PRKAG2: variants seen among roughly 807,000 people sequenced by gnomAD.
PRKAG2 encodes the protein protein kinase AMP-activated non-catalytic subunit gamma 2, also known as 5'-AMP-activated protein kinase subunit gamma-2.
In PRKAG2, 26 loss-of-function variants were observed where a neutral mutation model predicts 69.6. That is an observed-to-expected ratio of 0.37 (90% CI 0.27 to 0.52). The LOEUF (loss-of-function observed/expected upper bound fraction) is 0.52, where lower values mean the gene tolerates loss of function less well. Among genes scored for constraint, PRKAG2 ranks in the 20% least tolerant of loss-of-function variants. The pLI is 0.90. For missense variants in PRKAG2, 557 were observed against 740.0 expected, an observed-to-expected ratio of 0.75 and a Z score of 2.87; for synonymous variants, 293 against 285.0, an observed-to-expected ratio of 1.03 and a Z score of -0.28.
intron 3 of PRKAG2, among the ~76,000 whole-genome samples, chr7:151,774,805 C>CA: frequency 6.6e-6 from 1 of 151,400 alleles, no homozygotes; most frequent in Non-Finnish European, 1.5e-5. Context: ...GACTCCATTT[C>CA]AAAAAAACAA....
At chr7:151,842,122 T>G (rs1586704664) in intron 1 of PRKAG2, among the ~76,000 whole-genome samples, 1 of 137,150 alleles carries the variant, frequency 7.3e-6, no homozygotes, top group Non-Finnish European at 1.6e-5. Context: ...TGATGGTAGG[T>G]GGGGATGGTA....
At chr7:151,721,772 C>T (rs563065052) in intron 3 of PRKAG2, among the ~76,000 whole-genome samples, 23 of 152,274 alleles carry the variant, frequency 1.5e-4, no homozygotes, top group African/African-American at 3.9e-4. Flanking sequence ...CATGTACCAG[C>T]CAATTATGTT....
At chr7:151,697,354 G>A (rs1034028477) in intron 3 of PRKAG2, among the ~76,000 whole-genome samples, 2 of 152,178 alleles carry the variant, frequency 1.3e-5, no homozygotes, top group African/African-American at 4.8e-5. Context: ...TGGGTGCCCA[G>A]CAGGGGTACC....
chr7:151,691,499 A>G (rs1835662113), intron 3 of PRKAG2, among the ~76,000 whole-genome samples: 1 of 147,026 alleles, frequency 6.8e-6, no homozygotes, highest in Non-Finnish European at 1.5e-5. Context: ...AAAAAAAAAA[A>G]GTGGACAGAA....
At chr7:151,834,706 C>T (rs1261230546) in intron 1 of PRKAG2, among the ~76,000 whole-genome samples, 2 of 152,336 alleles carry the variant, frequency 1.3e-5, no homozygotes, top group Non-Finnish European at 2.9e-5. Context: ...AAGCCCCCAC[C>T]CCAGGAACGG....
At chr7:151,573,735 T>C (rs1197219195) in intron 8 of PRKAG2, among the ~76,000 whole-genome samples, 1 of 152,150 alleles carries the variant, frequency 6.6e-6, no homozygotes, top group Non-Finnish European at 1.5e-5. Flanking sequence ...GGGAAATAAA[T>C]ACAGGATATT....
chr7:151,673,900 T>C, intron 4 of PRKAG2, among the ~76,000 whole-genome samples: 1 of 141,446 alleles, frequency 7.1e-6, no homozygotes, highest in Admixed American at 7.9e-5. Context: ...CGGAGTGCAG[T>C]GGTGCAATCT....
At chr7:151,559,759 T>C (rs1224739218) in intron 15 of PRKAG2, 2 of 985,228 alleles carry the variant, frequency 2.0e-6, no homozygotes, top group African/African-American at 3.5e-5. Flanking sequence ...AAGGGCATGC[T>C]GTTTGCTCCC....
Position 151,699,270 on chromosome 7 carries a change from C to T in PRKAG2, c.467-23633G>A, listed in dbSNP as rs745469769. Among the ~76,000 whole-genome samples, 4 of 152,208 alleles carry T rather than the reference C, an allele frequency of 2.6e-5. No individual in the cohort carries two copies. The highest frequency in any genetic ancestry group is 6.5e-5 in the Admixed American group (1 of 15,280). On this transcript the variant is annotated intron_variant, in intron 3 of 15. Transcript: ENST00000287878. This position sits in a 1 kb window ranked among gnomAD's most constrained non-coding sequence, Gnocchi z 4.5. ...GAACAATATTTCTGAAGATCTCCCA[C>T]GAAGGTTGCCTCCCTCCCTGCGGTC...
At position 151,698,232 on chromosome 7, in the gene PRKAG2, T is replaced by C. The variant is rs113895343; in HGVS notation, c.467-22595A>G. ...ACAGGGCCACCTGGGCTAATGCCCCTGGGGGCACATTCAGCCAGCACTTCA... is the reference window on the plus strand; with the variant it reads ...ACAGGGCCACCTGGGCTAATGCCCCCGGGGGCACATTCAGCCAGCACTTCA... On this transcript the variant is annotated intron_variant, in intron 3 of 15. Transcript: ENST00000287878. Among the ~76,000 whole-genome samples, 510 of 152,288 alleles carry C rather than the reference T, an allele frequency of 3.3e-3. 3 individuals carry two copies. Among genetic ancestry groups the C allele is most frequent in the African/African-American group, 0.012 (479 of 41,566 alleles).
chr7:151,747,928 T>C (rs2074400296), intron 3 of PRKAG2, among the ~76,000 whole-genome samples: 1 of 151,164 alleles, frequency 6.6e-6, no homozygotes, highest in South Asian at 2.1e-4. Flanking sequence ...CTTTTTTTTT[T>C]TTTTTTTTTT....
chr7:151,757,413 C>T (rs1173194423), intron 3 of PRKAG2, among the ~76,000 whole-genome samples: 1 of 152,220 alleles, frequency 6.6e-6, no homozygotes, highest in Non-Finnish European at 1.5e-5. Flanking sequence ...AGCACAGATC[C>T]TCTGAAAAAG....
intron 3 of PRKAG2, among the ~76,000 whole-genome samples, chr7:151,716,548 C>T (rs73484145): frequency 0.04 from 6,050 of 152,238 alleles, 414 homozygotes; most frequent in African/African-American, 0.14. Flanking sequence ...ATGCTTGACA[C>T]GCACAGAACC....
At chr7:151,834,746 A>G (rs10276092) in intron 1 of PRKAG2, among the ~76,000 whole-genome samples, 107,817 of 152,108 alleles carry the variant, frequency 0.71, 41,241 homozygotes, top group Non-Finnish European at 0.88. Context: ...GCTACGGCGC[A>G]GTGCCGCCCC....
intron 4 of PRKAG2, among the ~76,000 whole-genome samples, chr7:151,663,783 C>T (rs1322750567): frequency 6.6e-6 from 1 of 152,212 alleles, no homozygotes; most frequent in Non-Finnish European, 1.5e-5. Context: ...CTGTTTGTCC[C>T]TTGCCTTTCT....
chr7:151,591,332 T>C (rs1197832291), intron 6 of PRKAG2, among the ~76,000 whole-genome samples: 2 of 152,372 alleles, frequency 1.3e-5, no homozygotes, highest in African/African-American at 2.4e-5. Context: ...TACCTTATTA[T>C]GGTCTGCAGA....
chr7:151,763,925 C>T (rs1163502697), intron 3 of PRKAG2, among the ~76,000 whole-genome samples: 1 of 152,230 alleles, frequency 6.6e-6, no homozygotes. Context: ...AAGCTCTGGA[C>T]AGAACATGCA....
At chr7:151,782,371 G>A (rs13244065) in intron 2 of PRKAG2, among the ~76,000 whole-genome samples, 1,555 of 21,834 alleles carry the variant, frequency 0.071, 96 homozygotes, top group African/African-American at 0.11. Flanking sequence ...GAGGGAGGGA[G>A]GGAAGGAAAG....
At chr7:151,682,788 G>C (rs376554487) in intron 3 of PRKAG2, among the ~76,000 whole-genome samples, 5 of 151,858 alleles carry the variant, frequency 3.3e-5, no homozygotes, top group Admixed American at 1.3e-4. Flanking sequence ...AGGAAAGCAG[G>C]GGGGAGCTCA....
Sources: allele counts gnomAD v4.1 joint callset (sites outside exome capture counted in the v4.1 genomes callset), GRCh38; gene constraint gnomAD v4.1.1; non-coding constraint Gnocchi (gnomAD v3.1); transcripts MANE v1.5; gene names NCBI Gene and HGNC (gene_info 2026-07-23, HGNC 2026-07-21).